The following LMO7 variants were observed in gnomAD, a reference collection of about 807,000 sequenced individuals.
LMO7 encodes LIM domain 7, also known as LIM domain only protein 7.
A neutral mutation model predicts 206.5 loss-of-function variants in LMO7; 120 were observed. That is an observed-to-expected ratio of 0.58 (90% CI 0.50 to 0.68). The LOEUF (loss-of-function observed/expected upper bound fraction) is 0.68, where lower values mean the gene tolerates loss of function less well. LMO7 is among the 30% of genes least tolerant of loss of function. LMO7 has a pLI of 0.00. For synonymous variants in LMO7, 706 were observed against 681.5 expected (o/e 1.04, Z -0.56); for missense variants, 1,959 against 1,957.9 (o/e 1.00, Z -0.01).
rs369032047 is a variant in LMO7, at chr13:75,821,592, C to A, written c.2623C>A (p.Leu875Ile). 5.9e-5 allele frequency: 95 copies of A among 1,611,730 alleles called. No homozygotes were observed. The highest frequency in any genetic ancestry group is 7.7e-5 in the Non-Finnish European group (91 of 1,178,350). ...FGSQTRGISS[L>I]PRSYTMDDAW... is the part of the protein sequence containing the mutation. ...CTCTCAGACAAGGGGAATCTCATCA[C>A]TCCCCAGATCTTACACGGTAAAAAA... The change falls in exon 14 of 31, where the codon CTC (leucine) becomes ATC (isoleucine). Residue 875 changes from leucine (L) to isoleucine (I), a missense_variant. Coordinates refer to ENST00000377534, the MANE Select transcript of LMO7 (RefSeq NM_001306080.2).
chr13:75,771,481 G>A (rs1007642523), intron 4 of LMO7, among the ~76,000 whole-genome samples: 11 of 40,362 alleles, frequency 2.7e-4, no homozygotes, highest in South Asian at 1.1e-3. Flanking sequence ...TAAATTGCTC[G>A]GGATCATACT....
At chr13:75,821,058 T>A in intron 13 of LMO7, 119 bp from the exon 14 acceptor site, 1 of 712,696 alleles carries the variant, frequency 1.4e-6, no homozygotes, top group Non-Finnish European at 2.3e-6. Flanking sequence ...TTGTATTGAT[T>A]CTTGTGTGAA....
At chr13:75,726,355 A>C (rs2138571978) in intron 2 of LMO7, among the ~76,000 whole-genome samples, 1 of 152,184 alleles carries the variant, frequency 6.6e-6, no homozygotes, top group South Asian at 2.1e-4. Context: ...GTTGGCAGAC[A>C]TAGATATCTT....
chr13:75,735,737 G>A (rs994811431), intron 3 of LMO7, among the ~76,000 whole-genome samples: 85 of 151,728 alleles, frequency 5.6e-4, no homozygotes, highest in African/African-American at 2.1e-3. Flanking sequence ...GCCTCCCAAA[G>A]TGCTGGAATT....
intron 1 of LMO7, among the ~76,000 whole-genome samples, chr13:75,678,484 A>G (rs2139464601): frequency 6.6e-6 from 1 of 152,194 alleles, no homozygotes; most frequent in South Asian, 2.1e-4. Context: ...CTATAGCTTT[A>G]TTTTGGGGGA....
intron 4 of LMO7, among the ~76,000 whole-genome samples, chr13:75,780,575 T>C (rs957607230): frequency 2.0e-5 from 3 of 152,158 alleles, no homozygotes; most frequent in African/African-American, 7.2e-5. Flanking sequence ...CTCTACAATT[T>C]GTGCAGATAA....
intron 12 of LMO7, among the ~76,000 whole-genome samples, chr13:75,818,368 G>T (rs985609187): frequency 1.3e-5 from 2 of 152,084 alleles, no homozygotes; most frequent in East Asian, 3.9e-4. Context: ...TAAATCAAAC[G>T]TACTTTGCAT....
At chr13:75,711,032 C>A (rs897677766) in intron 1 of LMO7, among the ~76,000 whole-genome samples, 1 of 152,084 alleles carries the variant, frequency 6.6e-6, no homozygotes, top group African/African-American at 2.4e-5. Context: ...TTGTCAAAGG[C>A]CTTTTCTGCA....
rs755701123 is a variant in LMO7 at position 75,805,736 on chromosome 13, G to A, written c.1172G>A (p.Trp391Ter). 6 of 1,613,794 alleles carry A rather than the reference G, an allele frequency of 3.7e-6. No homozygotes were observed. In the Admixed American group the frequency reaches 6.7e-5, roughly 18 times the overall value. ...ATAAAAAGGGAAACTTATAAGCCAT[G>A]GTATAAAGAATTTCAGGGATTCAGG... is the stretch of plus-strand genomic sequence containing the variant. ...KRIKRETYKP[W>*]YKEFQGFSQF... Residue 391 changes from tryptophan to a stop codon, truncating the protein, a stop_gained, in exon 9 of 31, where the codon TGG (tryptophan) becomes TAG (stop). Coordinates refer to ENST00000377534, the MANE Select transcript of LMO7 (RefSeq NM_001306080.2). LOFTEE classifies it high-confidence loss of function.
chr13:75,726,814 A>C (rs1266559346), intron 2 of LMO7, among the ~76,000 whole-genome samples: 1 of 152,092 alleles, frequency 6.6e-6, no homozygotes, highest in East Asian at 1.9e-4. Flanking sequence ...CTCCACATAA[A>C]GGATATAGAC....
chr13:75,732,607 A>T (rs1357902913), intron 3 of LMO7, among the ~76,000 whole-genome samples: 2 of 152,130 alleles, frequency 1.3e-5, no homozygotes, highest in Non-Finnish European at 2.9e-5. Flanking sequence ...GATTGTCTGA[A>T]GCCTTCTTCT....
chr13:75,837,227 T>C (rs2059200173), intron 19 of LMO7, among the ~76,000 whole-genome samples: 2 of 152,226 alleles, frequency 1.3e-5, no homozygotes, highest in Non-Finnish European at 2.9e-5. Flanking sequence ...CATCGATTAT[T>C]TAATTTTGTA....
intron 19 of LMO7, 46 bp from the exon 20 acceptor site, chr13:75,838,094 G>T: frequency 8.7e-7 from 1 of 1,152,534 alleles, no homozygotes; most frequent in South Asian, 1.2e-5. Context: ...TACCAATGGT[G>T]AGAAATAAAA....
chr13:75,804,136 T>C, intron 7 of LMO7, 153 bp from the exon 8 acceptor site: 4 of 755,802 alleles, frequency 5.3e-6, no homozygotes, highest in Non-Finnish European at 8.5e-6. Context: ...ATGGATCTTA[T>C]CACAACTTCG....
At chr13:75,735,147 A>G (rs968988860) in intron 3 of LMO7, among the ~76,000 whole-genome samples, 2 of 149,362 alleles carry the variant, frequency 1.3e-5, no homozygotes, top group African/African-American at 2.5e-5. Flanking sequence ...GTGTGTATGT[A>G]TGTACATACA....
chr13:75,628,414 T>C (rs1227885963), intron 2 of LMO7: 1 of 152,252 alleles, frequency 6.6e-6, no homozygotes, highest in Non-Finnish European at 1.5e-5. Flanking sequence ...TTTCCAAGTA[T>C]GGAATTGAAC....
At chr13:75,770,850 C>A (rs2049549279) in intron 4 of LMO7, among the ~76,000 whole-genome samples, 1 of 152,082 alleles carries the variant, frequency 6.6e-6, no homozygotes, top group Admixed American at 6.6e-5. Context: ...TGCAATGAGG[C>A]AGAGAAGAGT....
At position 75,626,577 on chromosome 13, in the gene LMO7, T is replaced by TATATATATATATATATATATATATATATA. The variant is rs71127564; in HGVS notation, c.225+3257_225+3258insATATATATATATATATATATATATATATA. On this transcript the variant is annotated intron_variant, in intron 2 of 29. Transcript: ENST00000341547. ...ATTGTCTACCCTCTTAACATATATA[T>TATATATATATATATATATATATATATATA]TATATATATATATATAAATTTTTTT... is the stretch of plus-strand genomic sequence containing the variant. Among the ~76,000 whole-genome samples the TATATATATATATATATATATATATATATA allele has an allele frequency of 3.4e-3, 256 of 74,412 alleles. 29 individuals are homozygous for TATATATATATATATATATATATATATATA. Among genetic ancestry groups the TATATATATATATATATATATATATATATA allele is most frequent in the African/African-American group, 0.011 (240 of 22,826 alleles). The allele number at this position is 74,412 out of a possible 152,430, so 48.8% of individuals were successfully genotyped here.
At chr13:75,708,111 G>C (rs1353121829) in intron 1 of LMO7, among the ~76,000 whole-genome samples, 2 of 152,146 alleles carry the variant, frequency 1.3e-5, no homozygotes, top group Non-Finnish European at 2.9e-5. Context: ...ATATAAGGAG[G>C]TTTGGCATGT....
Sources: allele counts gnomAD v4.1 joint callset (sites outside exome capture counted in the v4.1 genomes callset), GRCh38; gene constraint gnomAD v4.1.1; transcripts MANE v1.5; gene names NCBI Gene and HGNC (gene_info 2026-07-23, HGNC 2026-07-21).